The following CFAP20DC variants were observed in gnomAD, a reference collection of about 807,000 sequenced individuals.
CFAP20DC encodes CFAP20 domain containing.
In CFAP20DC, 84 loss-of-function variants were observed where a neutral mutation model predicts 101.7. That is an observed-to-expected ratio of 0.83 (90% CI 0.69 to 0.99). The LOEUF (loss-of-function observed/expected upper bound fraction) is 0.99, where lower values mean the gene tolerates loss of function less well. CFAP20DC is among the 50% of genes least tolerant of loss of function. The probability of loss-of-function intolerance (pLI) is 0.00; values close to 1 mark genes in which losing one functional copy is unlikely to be tolerated. For synonymous variants in CFAP20DC, 359 were observed against 351.2 expected (o/e 1.02, Z -0.25); for missense variants, 1,007 against 970.3 (o/e 1.04, Z -0.50).
At chr3:58,909,418 A>G (rs547947468) in intron 6 of CFAP20DC, among the ~76,000 whole-genome samples, 1 of 152,210 alleles carries the variant, frequency 6.6e-6, no homozygotes, top group South Asian at 2.1e-4. Context: ...CTTGATGTTG[A>G]TTATTGCTTT....
rs2078009427 is a variant in CFAP20DC at position 58,849,268 on chromosome 3, C to A, written c.1735G>T (p.Ala579Ser). Residue 579 changes from alanine (A) to serine (S), a missense_variant, in exon 13 of 17, where the codon GCA (alanine) becomes TCA (serine). By Grantham distance (99) the Ala-to-Ser change is moderately conservative (BLOSUM62 1). Transcript: ENST00000482387. ...YLRSAYTEAG[A>S]TESQDSSMEQ... ...ATCGAGGAATCCTGGCTTTCTGTTG[C>A]TCCTGCTTCTGTGTAGGCGCTCCTT... 2.0e-6 allele frequency: 3 copies of A among 1,535,982 alleles called. No homozygotes were observed. In the African/African-American group the frequency reaches 4.1e-5, roughly 21 times the overall value.
chr3:58,884,860 G>A, intron 6 of CFAP20DC, 151 bp from the exon 7 acceptor site: 1 of 650,056 alleles, frequency 1.5e-6, no homozygotes. Flanking sequence ...TCTCATCTGT[G>A]AAATGAGCAT....
At chr3:58,774,275 T>C (rs1047972448) in intron 15 of CFAP20DC, among the ~76,000 whole-genome samples, 1 of 152,188 alleles carries the variant, frequency 6.6e-6, no homozygotes, top group Non-Finnish European at 1.5e-5. Context: ...AAGCTGAATG[T>C]TAAACAGTAA....
At chr3:58,977,703 T>C (rs940658936) in intron 4 of CFAP20DC, among the ~76,000 whole-genome samples, 1 of 151,800 alleles carries the variant, frequency 6.6e-6, no homozygotes, top group African/African-American at 2.4e-5. Context: ...TTATAACTTT[T>C]TGTCAGATAT....
intron 14 of CFAP20DC, among the ~76,000 whole-genome samples, chr3:58,807,446 C>T (rs1371098406): frequency 6.6e-6 from 1 of 152,224 alleles, no homozygotes; most frequent in Non-Finnish European, 1.5e-5. Flanking sequence ...TGCGGATACC[C>T]AGGCAAATAG....
chr3:58,751,566 T>TA (rs1250508868), intron 16 of CFAP20DC, among the ~76,000 whole-genome samples: 2 of 152,150 alleles, frequency 1.3e-5, no homozygotes, highest in Non-Finnish European at 2.9e-5. Context: ...TTAAAGAACT[T>TA]AGTCACTGAG....
rs532254885 is a variant in CFAP20DC, at chr3:58,863,473, T to G, written c.1593+85A>C. On this transcript the variant is annotated intron_variant, in intron 12 of 16. Coordinates refer to ENST00000482387, the MANE Select transcript of CFAP20DC (RefSeq NM_001394063.1). The surrounding 1 kb of genome is among the most constrained non-coding windows in gnomAD (Gnocchi z 5.9). ...TTTATAAATAGCAGTTGATTTTCCC[T>G]CTTTCATTTCAACTTGTTTTAGTGC... The G allele has an allele frequency of 2.4e-5, 37 of 1,539,552 alleles. No homozygotes were observed. The African/African-American group carries it at 4.8e-4, about 20-fold the overall frequency.
intron 14 of CFAP20DC, among the ~76,000 whole-genome samples, chr3:58,807,240 C>T (rs1260422728): frequency 6.6e-6 from 1 of 152,188 alleles, no homozygotes; most frequent in Non-Finnish European, 1.5e-5. Context: ...AGCTGGAGAT[C>T]TGAGAATGGG....
intron 6 of CFAP20DC, among the ~76,000 whole-genome samples, chr3:58,907,202 A>G (rs2083688131): frequency 6.6e-6 from 1 of 151,846 alleles, no homozygotes; most frequent in South Asian, 2.1e-4. Context: ...GTGTGTTTTA[A>G]TCTTCTGATT....
rs191591757 is a variant in CFAP20DC at position 58,909,895 on chromosome 3, C to A, written c.550+3813G>T. Among the ~76,000 whole-genome samples, 19 of 152,208 alleles carry A rather than the reference C, an allele frequency of 1.2e-4. No homozygotes were observed. In the East Asian group the frequency reaches 3.7e-3, roughly 29 times the overall value. ...GTTCTCCCTCCTCTTGTTCCCTACT[C>A]CCCAACAGGCCCCAGTGTGTGTTGT... On this transcript the variant is annotated intron_variant, in intron 6 of 16. Transcript: ENST00000482387.
In CFAP20DC at chr3:58,735,984, A is replaced by C. The variant is rs58827483; in HGVS notation, c.197+17785T>G. On this transcript the variant is annotated intron_variant, in intron 3 of 3. Coordinates refer to the CFAP20DC transcript ENST00000486145. Reference sequence around the variant, plus strand: ...ATGGCGCCACCATTTTTTTTAACTTAAATCAAATATCTCTTGATAATGGTG... The same window carrying C: ...ATGGCGCCACCATTTTTTTTAACTTCAATCAAATATCTCTTGATAATGGTG... Among the ~76,000 whole-genome samples the C allele has an allele frequency of 4.5e-3, 687 of 152,220 alleles. 5 individuals carry two copies. Among genetic ancestry groups the C allele is most frequent in the African/African-American group, 0.016 (649 of 41,524 alleles).
At chr3:58,765,254 G>C (rs1160925312) in intron 15 of CFAP20DC, among the ~76,000 whole-genome samples, 2 of 151,664 alleles carry the variant, frequency 1.3e-5, no homozygotes, top group East Asian at 3.9e-4. Flanking sequence ...TAAGTATACT[G>C]TATGTGTATA....
chr3:58,988,178 C>A (rs1282664345), intron 4 of CFAP20DC, among the ~76,000 whole-genome samples: 1 of 151,904 alleles, frequency 6.6e-6, no homozygotes, highest in African/African-American at 2.4e-5. Flanking sequence ...ATGACATTAA[C>A]AGACTAAAAT....
chr3:58,724,861 A>G lies in CFAP20DC; in HGVS notation c.198-7233T>C, dbSNP rs2067527591. Among the ~76,000 whole-genome samples, 1 of 152,132 alleles carries G rather than the reference A, an allele frequency of 6.6e-6. No individual in the cohort carries two copies. Among genetic ancestry groups the G allele is most frequent in the Admixed American group, 6.5e-5 (1 of 15,274 alleles). Reference sequence around the variant, plus strand: ...AACACAGCAGCAGTTGGGATCTGGAAGTCAGCCCCAGGAAGCAGCCAACAA... The same window carrying G: ...AACACAGCAGCAGTTGGGATCTGGAGGTCAGCCCCAGGAAGCAGCCAACAA... On this transcript the variant is annotated intron_variant, in intron 3 of 3. Coordinates refer to the CFAP20DC transcript ENST00000486145. This position sits in a 1 kb window ranked among gnomAD's most constrained non-coding sequence, Gnocchi z 5.6.
chr3:58,781,069 T>C (rs771149517), intron 15 of CFAP20DC, among the ~76,000 whole-genome samples: 3 of 151,976 alleles, frequency 2.0e-5, no homozygotes, highest in African/African-American at 4.8e-5. Flanking sequence ...TTTTTAAACA[T>C]CAAAATCTTA....
chr3:58,822,461 T>A (rs992029222), intron 14 of CFAP20DC, among the ~76,000 whole-genome samples: 1 of 150,112 alleles, frequency 6.7e-6, no homozygotes, highest in African/African-American at 2.5e-5. Flanking sequence ...GGGGAAGGGA[T>A]AGCATCAGGA....
chr3:58,735,924 T>C (rs1249123758), intron 3 of CFAP20DC, among the ~76,000 whole-genome samples: 1 of 152,212 alleles, frequency 6.6e-6, no homozygotes, highest in East Asian at 1.9e-4. Context: ...ATCTGGACTT[T>C]GTAACACTCA....
intron 15 of CFAP20DC, among the ~76,000 whole-genome samples, chr3:58,764,056 C>G (rs2069992307): frequency 6.6e-6 from 1 of 152,176 alleles, no homozygotes; most frequent in South Asian, 2.1e-4. Context: ...CTACTCTCTT[C>G]AAAGCTGTCA....
At chr3:59,017,898 C>T (rs550599629) in intron 4 of CFAP20DC, 1 of 152,268 alleles carries the variant, frequency 6.6e-6, no homozygotes, top group East Asian at 1.9e-4. Flanking sequence ...GCTCTGTCCT[C>T]ATGGTCACAG....
Sources: gnomAD v4.1 joint callset for allele counts (sites outside exome capture counted in the v4.1 genomes callset) on GRCh38, gnomAD v4.1.1 for gene constraint, Gnocchi (gnomAD v3.1) non-coding constraint, MANE v1.5 for transcripts, NCBI Gene and HGNC (gene_info 2026-07-23, HGNC 2026-07-21) for gene names.